KCTD1: variants seen among roughly 807,000 people sequenced by gnomAD.
KCTD1 encodes the protein potassium channel tetramerization domain containing 1.
Under a neutral mutation model 66.0 loss-of-function variants are expected in KCTD1, and 24 were observed. That is an observed-to-expected ratio of 0.36 (90% CI 0.26 to 0.51). KCTD1 has a LOEUF of 0.51. Ranked by LOEUF, KCTD1 falls within the 20% of genes least tolerant of loss-of-function variation. KCTD1 has a pLI of 0.95. For missense variants in KCTD1, 943 were observed against 1,205.2 expected, an observed-to-expected ratio of 0.78 and a Z score of 3.22; for synonymous variants, 511 against 517.2, an observed-to-expected ratio of 0.99 and a Z score of 0.16.
chr18:26,589,763 G>C (rs1352377843), intron 1 of KCTD1, among the ~76,000 whole-genome samples: 1 of 152,154 alleles, frequency 6.6e-6, no homozygotes, highest in Admixed American at 6.5e-5. Flanking sequence ...ACAGCATGGT[G>C]ATTCCATCCC....
chr18:26,570,191 A>AAAAATATAT (rs776923644), intron 1 of KCTD1, among the ~76,000 whole-genome samples: 7,529 of 132,100 alleles, frequency 0.057, 369 homozygotes, highest in East Asian at 0.16. Context: ...ATCTAAAAAA[A>AAAAATATAT]ATATATATAT....
At chr18:26,579,306 G>A (rs1405184573) in intron 1 of KCTD1, among the ~76,000 whole-genome samples, 1 of 152,064 alleles carries the variant, frequency 6.6e-6, no homozygotes, top group Non-Finnish European at 1.5e-5. Flanking sequence ...AGTTTTGAAT[G>A]TCCAGTTAGT....
chr18:26,538,334 TA>T lies in KCTD1; in HGVS notation c.1809+8393del, dbSNP rs567366784. ...ACTAAGTTAGAAGAAGGTGTGGAGTTAAATCCCACGTGGGCCACAGAACATG... is the reference window on the plus strand; with the variant it reads ...ACTAAGTTAGAAGAAGGTGTGGAGTTAATCCCACGTGGGCCACAGAACATG... On this transcript the variant is annotated intron_variant, in intron 1 of 4. Transcript: ENST00000580059. 9.9e-4 allele frequency among the ~76,000 whole-genome samples: 150 copies of T among 152,206 alleles called. 1 individual carries two copies. Among genetic ancestry groups the T allele is most frequent in the African/African-American group, 3.4e-3 (143 of 41,532 alleles).
intron 1 of KCTD1, among the ~76,000 whole-genome samples, chr18:26,506,737 G>A (rs1279557355): frequency 6.6e-6 from 1 of 152,180 alleles, no homozygotes; most frequent in Non-Finnish European, 1.5e-5. Context: ...AATCTAAACA[G>A]AGCTGTCCAT....
At chr18:26,462,803 C>T (rs547522202) in intron 3 of KCTD1, among the ~76,000 whole-genome samples, 6 of 152,172 alleles carry the variant, frequency 3.9e-5, no homozygotes, top group South Asian at 2.1e-4. Flanking sequence ...CTAAGTACCA[C>T]GGTTTTTAAA....
intron 1 of KCTD1, among the ~76,000 whole-genome samples, chr18:26,605,591 A>G (rs994299697): frequency 2.0e-5 from 3 of 152,090 alleles, no homozygotes; most frequent in African/African-American, 7.2e-5. Flanking sequence ...AGTTTCATTC[A>G]TGACCTGGCC....
At chr18:26,478,150 C>T (rs998865518) in intron 2 of KCTD1, among the ~76,000 whole-genome samples, 5 of 152,174 alleles carry the variant, frequency 3.3e-5, no homozygotes, top group Admixed American at 1.3e-4. Context: ...ACTCTTCACT[C>T]TTAATAACAT....
At position 26,455,854 on chromosome 18, in the gene KCTD1, A is replaced by C. The variant is rs1444827536; in HGVS notation, c.2487T>G (p.Cys829Trp). The C allele has an allele frequency of 6.2e-7, 1 of 1,614,142 alleles. No individual in the cohort carries two copies. The highest frequency in any genetic ancestry group is 8.5e-7 in the Non-Finnish European group (1 of 1,180,000). Residue 829 changes from cysteine (C) to tryptophan (W), a missense_variant, in exon 5 of 5, where the codon TGT becomes TGG. Physicochemically the swap from Cys to Trp is radical, Grantham distance 215. Around this residue, in one of 10 missense-constraint regions of KCTD1, gnomAD observed 162 missense variants for 232.4 expected, o/e 0.70. Transcript: ENST00000580059. The part of the protein sequence containing the change: ...QQRGFEIVGS[C>W]GGGVDSSQFS... Reference sequence around the variant, plus strand: ...ACTGGGACGAGTCTACTCCTCCCCCACAGGAGCCCACGATTTCAAATCCTC... The same window carrying C: ...ACTGGGACGAGTCTACTCCTCCCCCCCAGGAGCCCACGATTTCAAATCCTC...
chr18:26,549,514 C>G (rs529366651), upstream of KCTD1: 25 of 936,270 alleles, frequency 2.7e-5, no homozygotes, highest in African/African-American at 1.8e-5. Flanking sequence ...GCGCTTGGGA[C>G]CCCAGGGGCC....
At chr18:26,513,180 CG>C (rs1423575591) in intron 1 of KCTD1, among the ~76,000 whole-genome samples, 1 of 151,346 alleles carries the variant, frequency 6.6e-6, no homozygotes, top group African/African-American at 2.4e-5. Context: ...CTCCGCCTCC[CG>C]GGTTCACGCC....
chr18:26,481,818 T>C (rs1195970529), intron 2 of KCTD1, among the ~76,000 whole-genome samples: 1 of 152,182 alleles, frequency 6.6e-6, no homozygotes, highest in Non-Finnish European at 1.5e-5. Flanking sequence ...CCCCAGCTAT[T>C]CTGATGTAAT....
intron 2 of KCTD1, among the ~76,000 whole-genome samples, chr18:26,485,844 G>T (rs1981889806): frequency 6.6e-6 from 1 of 151,700 alleles, no homozygotes; most frequent in Non-Finnish European, 1.5e-5. Flanking sequence ...AATAATAATT[G>T]CTATTCAGAG....
Position 26,530,355 on chromosome 18 carries a change from T to G in KCTD1, c.1809+16373A>C, listed in dbSNP as rs370412399. Among the ~76,000 whole-genome samples, 5 of 152,128 alleles carry G rather than the reference T, an allele frequency of 3.3e-5. No individual in the cohort carries two copies. In the East Asian group the frequency reaches 5.8e-4, roughly 18 times the overall value. ...GAGCCAGGGAAAGACAGAAGAGATA[T>G]GAGGGTTACAGGGAAAGGAAAAAAG... On this transcript the variant is annotated intron_variant, in intron 1 of 4. Transcript: ENST00000580059.
intron 1 of KCTD1, among the ~76,000 whole-genome samples, chr18:26,590,167 T>C (rs1288326540): frequency 6.6e-6 from 1 of 152,132 alleles, no homozygotes; most frequent in Non-Finnish European, 1.5e-5. Flanking sequence ...CACTGCAACC[T>C]CTGCCTCCTG....
chr18:26,638,641 G>A (rs1462676653), intron 1 of KCTD1, among the ~76,000 whole-genome samples: 1 of 152,232 alleles, frequency 6.6e-6, no homozygotes, highest in Non-Finnish European at 1.5e-5. Flanking sequence ...TGTGTCTGGG[G>A]AAGTGCCCGG....
intron 3 of KCTD1, among the ~76,000 whole-genome samples, chr18:26,466,994 T>A (rs566050816): frequency 6.6e-6 from 1 of 152,172 alleles, no homozygotes; most frequent in South Asian, 2.1e-4. Flanking sequence ...TCAAATATAG[T>A]TGTGGAATTA....
chr18:26,651,216 C>T (rs1425976897), intron 1 of KCTD1, among the ~76,000 whole-genome samples: 1 of 152,178 alleles, frequency 6.6e-6, no homozygotes, highest in Non-Finnish European at 1.5e-5. Context: ...GGTGGCAGAA[C>T]AAGCAAGCCC....
chr18:26,599,764 C>G, intron 1 of KCTD1: 1 of 1,577,950 alleles, frequency 6.3e-7, no homozygotes. Context: ...CACCCTGACT[C>G]TTTCTGGTCT....
rs192551876 is a variant in KCTD1 at position 26,555,070 on chromosome 18, A to G, written c.-15-53820T>C. ...TTTCAGTGTCATTGGAATACTAATT[A>G]TGGTGGAAAAGGAGATAAAGGTATG... On this transcript the variant is annotated intron_variant, in intron 1 of 4. Coordinates refer to the KCTD1 transcript ENST00000317932. 1.6e-4 allele frequency among the ~76,000 whole-genome samples: 25 copies of G among 152,368 alleles called. No homozygotes were observed. In the East Asian group the frequency reaches 4.6e-3, roughly 28 times the overall value.
Sources: gnomAD v4.1 joint callset for allele counts (sites outside exome capture counted in the v4.1 genomes callset) on GRCh38, gnomAD v4.1.1 for gene constraint, gnomAD v4.1.1 regional missense constraint, MANE v1.5 for transcripts, NCBI Gene and HGNC (gene_info 2026-07-23, HGNC 2026-07-21) for gene names.